Variants in TMEM132D observed in about 807,000 individuals in gnomAD.
The protein encoded by TMEM132D is mature OL transmembrane protein.
Under a neutral mutation model 62.3 loss-of-function variants are expected in TMEM132D, and 21 were observed. The observed-to-expected ratio is 0.34, with a 90% CI of 0.24 to 0.49. The LOEUF is 0.49. Ranked by LOEUF, TMEM132D falls within the 20% of genes least tolerant of loss-of-function variation. The pLI is 0.99. For missense variants in TMEM132D, 1,346 were observed against 1,402.8 expected, an observed-to-expected ratio of 0.96 and a Z score of 0.65; for synonymous variants, 621 against 575.6, an observed-to-expected ratio of 1.08 and a Z score of -1.13.
intron 2 of TMEM132D, among the ~76,000 whole-genome samples, chr12:129,607,887 T>C (rs572664521): frequency 7.9e-5 from 12 of 152,294 alleles, no homozygotes; most frequent in South Asian, 2.1e-4. Flanking sequence ...CATCAACTTA[T>C]AGCATACTTT....
At chr12:129,344,485 T>G (rs909808876) in intron 3 of TMEM132D, among the ~76,000 whole-genome samples, 1 of 152,120 alleles carries the variant, frequency 6.6e-6, no homozygotes, top group Non-Finnish European at 1.5e-5. Context: ...CTTAGGGAAG[T>G]CAGTCTCTCC....
chr12:129,295,668 C>T (rs1271257869), intron 4 of TMEM132D, among the ~76,000 whole-genome samples: 3 of 151,962 alleles, frequency 2.0e-5, no homozygotes, highest in African/African-American at 7.3e-5. Context: ...AAAAAGTCAT[C>T]CCACTGTATC....
chr12:129,134,008 T>G (rs929489198), intron 5 of TMEM132D, among the ~76,000 whole-genome samples: 1 of 151,874 alleles, frequency 6.6e-6, no homozygotes, highest in African/African-American at 2.4e-5. Context: ...AGTTAAGAGA[T>G]GAAGATATAT....
chr12:129,525,069 G>A (rs1875980716), intron 3 of TMEM132D, among the ~76,000 whole-genome samples: 1 of 148,968 alleles, frequency 6.7e-6, no homozygotes, highest in Admixed American at 6.7e-5. Context: ...GGGACTACAG[G>A]CGCCCGCCAC....
chr12:129,594,417 A>T (rs538504419), intron 2 of TMEM132D, among the ~76,000 whole-genome samples: 1 of 152,296 alleles, frequency 6.6e-6, no homozygotes, highest in African/African-American at 2.4e-5. Flanking sequence ...AGGAGTGAAA[A>T]TCAAGAGAGA....
intron 2 of TMEM132D, among the ~76,000 whole-genome samples, chr12:129,690,299 A>T (rs1399000840): frequency 1.3e-5 from 2 of 151,696 alleles, no homozygotes; most frequent in African/African-American, 4.8e-5. Context: ...CAGAACAAAG[A>T]ACACATGAAA....
At chr12:129,633,390 T>C (rs945872703) in intron 2 of TMEM132D, among the ~76,000 whole-genome samples, 9 of 152,162 alleles carry the variant, frequency 5.9e-5, no homozygotes, top group African/African-American at 1.9e-4. Context: ...CTCCCGGCCA[T>C]AGTAGGTAGA....
intron 4 of TMEM132D, among the ~76,000 whole-genome samples, chr12:129,305,787 C>T (rs540678495): frequency 7.2e-5 from 11 of 152,182 alleles, no homozygotes; most frequent in African/African-American, 1.9e-4. Flanking sequence ...TTACAAGGTC[C>T]GGTCCACGCA....
chr12:129,877,649 AG>A, intron 1 of TMEM132D, among the ~76,000 whole-genome samples: 1 of 151,898 alleles, frequency 6.6e-6, no homozygotes, highest in East Asian at 1.9e-4. Flanking sequence ...AGAGAGAGAG[AG>A]AGAGCGCTAT....
intron 3 of TMEM132D, among the ~76,000 whole-genome samples, chr12:129,364,276 T>C (rs1336708994): frequency 6.6e-6 from 1 of 152,220 alleles, no homozygotes; most frequent in Non-Finnish European, 1.5e-5. Flanking sequence ...TGTAACTCTC[T>C]TTGAGTGATG....
intron 3 of TMEM132D, among the ~76,000 whole-genome samples, chr12:129,445,439 C>T (rs1358136454): frequency 6.6e-6 from 1 of 152,036 alleles, no homozygotes; most frequent in Non-Finnish European, 1.5e-5. Flanking sequence ...GCACATGTAC[C>T]CCTGAACTCA....
At chr12:129,154,317 T>G (rs1458547163) in intron 5 of TMEM132D, among the ~76,000 whole-genome samples, 2 of 152,162 alleles carry the variant, frequency 1.3e-5, no homozygotes, top group Non-Finnish European at 2.9e-5. Flanking sequence ...CTGCCTTCAT[T>G]CTCATTTTTA....
chr12:129,643,177 G>T (rs549960963), intron 2 of TMEM132D, among the ~76,000 whole-genome samples: 1 of 151,928 alleles, frequency 6.6e-6, no homozygotes, highest in Non-Finnish European at 1.5e-5. Context: ...CCCACCTCAA[G>T]CTCCCAAAGT....
At chr12:129,167,219 C>A (rs1443981766) in intron 5 of TMEM132D, among the ~76,000 whole-genome samples, 1 of 151,448 alleles carries the variant, frequency 6.6e-6, no homozygotes, top group African/African-American at 2.4e-5. Context: ...GCTCAGGAAC[C>A]TAGAAGTTTC....
intron 3 of TMEM132D, among the ~76,000 whole-genome samples, chr12:129,506,695 A>G (rs1324881803): frequency 2.0e-5 from 3 of 152,230 alleles, no homozygotes; most frequent in Admixed American, 6.5e-5. Context: ...TCTCATTTTT[A>G]TACAAAAATC....
At chr12:129,582,916 C>T (rs762823344) in intron 2 of TMEM132D, among the ~76,000 whole-genome samples, 17 of 151,184 alleles carry the variant, frequency 1.1e-4, no homozygotes, top group African/African-American at 2.2e-4. Flanking sequence ...TTAGCCACCA[C>T]GTCCAGCCGA....
chr12:129,218,220 A>G (rs944205673), intron 4 of TMEM132D, among the ~76,000 whole-genome samples: 2 of 152,192 alleles, frequency 1.3e-5, no homozygotes, highest in Admixed American at 1.3e-4. Flanking sequence ...CTTGCAATAA[A>G]TTCATTTTTA....
At chr12:129,559,338 C>A (rs1877149233) in intron 2 of TMEM132D, among the ~76,000 whole-genome samples, 1 of 152,206 alleles carries the variant, frequency 6.6e-6, no homozygotes, top group Admixed American at 6.5e-5. Context: ...ATCCATATAT[C>A]CTTTGAATGG....
At chr12:129,410,507 G>A (rs995419753) in intron 3 of TMEM132D, among the ~76,000 whole-genome samples, 9 of 151,908 alleles carry the variant, frequency 5.9e-5, no homozygotes, top group South Asian at 2.1e-4. Flanking sequence ...TTACAGGTGC[G>A]CACCACCAAA....
Sources: gnomAD v4.1 joint callset for allele counts (sites outside exome capture counted in the v4.1 genomes callset) on GRCh38, gnomAD v4.1.1 for gene constraint, MANE v1.5 for transcripts, NCBI Gene and HGNC (gene_info 2026-07-23, HGNC 2026-07-21) for gene names.